DMD: variants seen among roughly 807,000 people sequenced by gnomAD.
DMD encodes dystrophin.
Under a neutral mutation model 330.1 loss-of-function variants are expected in DMD, and 63 were observed. The observed-to-expected ratio is 0.19, with a 90% confidence interval of 0.16 to 0.24. DMD has a LOEUF of 0.24. Ranked by LOEUF, DMD falls within the 10% of genes least tolerant of loss-of-function variation. DMD has a pLI of 1.00. For synonymous variants in DMD, 1,223 were observed against 959.8 expected (o/e 1.27, Z -5.07); for missense variants, 3,344 against 2,684.1 (o/e 1.25, Z -5.43).
At chrX:32,653,552 T>A (rs750922159) in intron 9 of DMD, among the ~76,000 whole-genome samples, 185 of 112,125 alleles carry the variant, frequency 1.6e-3, no homozygotes, top group South Asian at 3.0e-3. Flanking sequence ...GCTGTTTTGG[T>A]TACTGTAGCC....
chrX:32,565,043 TC>T (rs2051524374), intron 16 of DMD, among the ~76,000 whole-genome samples: 1 of 111,589 alleles, frequency 9.0e-6, no homozygotes, highest in African/African-American at 3.3e-5. Context: ...AAAAAGAGGT[TC>T]AACTTTTAAC....
intron 17 of DMD, among the ~76,000 whole-genome samples, chrX:32,540,000 G>C (rs755605013): frequency 1.8e-5 from 2 of 111,438 alleles, no homozygotes; most frequent in East Asian, 2.8e-4. Flanking sequence ...GCTTTACTTG[G>C]GGGAAATTAT....
At chrX:33,318,885 G>T (rs1394153939) in intron 1 of DMD, among the ~76,000 whole-genome samples, 1 of 111,074 alleles carries the variant, frequency 9.0e-6, no homozygotes, top group African/African-American at 3.3e-5. Context: ...TTCTAATTTT[G>T]CTTGCAATGT....
chrX:32,374,656 G>T (rs1011586281), intron 34 of DMD, among the ~76,000 whole-genome samples: 1 of 111,600 alleles, frequency 9.0e-6, no homozygotes, highest in African/African-American at 3.3e-5. Context: ...CTGTTCCATT[G>T]ATCTAGGTGT....
chrX:33,087,698 C>A (rs747422827), intron 1 of DMD, among the ~76,000 whole-genome samples: 2 of 111,741 alleles, frequency 1.8e-5, no homozygotes, highest in Non-Finnish European at 3.8e-5. Context: ...TAAAACAGAT[C>A]TTTCTTCATA....
intron 50 of DMD, among the ~76,000 whole-genome samples, chrX:31,819,512 C>T (rs192999013): frequency 4.4e-5 from 5 of 112,729 alleles, no homozygotes; most frequent in African/African-American, 1.6e-4. Context: ...GAATTGCCTT[C>T]GGCCTCAGAA....
At chrX:32,536,264 CAAAA>C (rs1191335690) in intron 17 of DMD, among the ~76,000 whole-genome samples, 624 of 36,329 alleles carry the variant, frequency 0.017, 9 homozygotes, top group African/African-American at 0.062. Context: ...ACTCCGTCTC[CAAAA>C]AAAAAAAAAA....
intron 42 of DMD, among the ~76,000 whole-genome samples, chrX:32,295,983 A>G (rs1052255116): frequency 2.5e-4 from 28 of 112,566 alleles, no homozygotes; most frequent in Middle Eastern, 9.3e-3. Context: ...CTTACTGTTA[A>G]TCACTTTTGA....
intron 60 of DMD, among the ~76,000 whole-genome samples, chrX:31,368,383 G>T (rs1279690298): frequency 8.9e-6 from 1 of 111,758 alleles, no homozygotes. Flanking sequence ...AAAAGGCAGG[G>T]GTGCACTGGA....
chrX:32,473,901 G>C (rs1243800994), intron 21 of DMD, among the ~76,000 whole-genome samples: 1 of 109,642 alleles, frequency 9.1e-6, no homozygotes, highest in African/African-American at 3.3e-5. Flanking sequence ...AAGTTCTTTA[G>C]TGGTGATTTG....
At chrX:32,724,890 T>A (rs2066703033) in intron 7 of DMD, among the ~76,000 whole-genome samples, 1 of 112,004 alleles carries the variant, frequency 8.9e-6, no homozygotes, top group Admixed American at 9.6e-5. Context: ...TTAGCATTTT[T>A]AAACAATGGA....
intron 2 of DMD, among the ~76,000 whole-genome samples, chrX:32,891,749 A>G (rs767432246): frequency 8.9e-6 from 1 of 111,964 alleles, no homozygotes; most frequent in East Asian, 2.8e-4. Context: ...TTATGTACCC[A>G]TTAGTATTTT....
chrX:32,819,751 C>T (rs1235120896), intron 5 of DMD, among the ~76,000 whole-genome samples: 1 of 106,239 alleles, frequency 9.4e-6, no homozygotes, highest in Non-Finnish European at 1.9e-5. Flanking sequence ...TCTGATAGAT[C>T]TAGAATGTAC....
chrX:32,480,230 T>C (rs1603634493), intron 21 of DMD, among the ~76,000 whole-genome samples: 1 of 111,910 alleles, frequency 8.9e-6, no homozygotes. Flanking sequence ...ATGTTAAAAT[T>C]AGAACGGCTA....
intron 1 of DMD, among the ~76,000 whole-genome samples, chrX:33,269,185 C>G (rs896944599): frequency 2.7e-5 from 3 of 111,254 alleles, no homozygotes; most frequent in Non-Finnish European, 5.6e-5. Context: ...ATCGAATCAA[C>G]CTAAAAGCTC....
chrX:31,202,995 T>G (rs777488428), intron 67 of DMD, among the ~76,000 whole-genome samples: 9 of 111,587 alleles, frequency 8.1e-5, no homozygotes, highest in Non-Finnish European at 1.3e-4. Context: ...CTAATAAAAA[T>G]TAGAGGCCAG....
chrX:31,594,427 T>C (rs2077019745), intron 55 of DMD, among the ~76,000 whole-genome samples: 1 of 111,525 alleles, frequency 9.0e-6, no homozygotes, highest in Non-Finnish European at 1.9e-5. Context: ...TGTACCTAAG[T>C]TATTATCAGC....
chrX:33,147,013 G>T (rs193158956), intron 1 of DMD, among the ~76,000 whole-genome samples: 2 of 109,761 alleles, frequency 1.8e-5, no homozygotes, highest in African/African-American at 6.6e-5. Flanking sequence ...TAGTAGAGAC[G>T]GGGTTTCACC....
chrX:31,471,667 T>G (rs1207801914), intron 59 of DMD, among the ~76,000 whole-genome samples: 1 of 112,553 alleles, frequency 8.9e-6, no homozygotes, highest in Non-Finnish European at 1.9e-5. Context: ...TAAGCTGTAT[T>G]AAACCCTAGA....
Sources: allele counts gnomAD v4.1 joint callset (sites outside exome capture counted in the v4.1 genomes callset), GRCh38; gene constraint gnomAD v4.1.1; transcripts MANE v1.5; gene names NCBI Gene and HGNC (gene_info 2026-07-23, HGNC 2026-07-21).